MYO5B: variants seen among roughly 807,000 people sequenced by gnomAD.
MYO5B encodes the protein unconventional myosin-Vb.
In MYO5B, 143 loss-of-function variants were observed where a neutral mutation model predicts 229.3. That is an observed-to-expected ratio of 0.62 (90% CI 0.54 to 0.72). The LOEUF is 0.72. Ranked by LOEUF, MYO5B falls within the 30% of genes least tolerant of loss-of-function variation. The pLI, the probability that MYO5B is intolerant of heterozygous loss-of-function variation, is 0.00. For missense variants in MYO5B, 2,321 were observed against 2,331.0 expected, an observed-to-expected ratio of 1.00 and a Z score of 0.09; for synonymous variants, 918 against 885.2, an observed-to-expected ratio of 1.04 and a Z score of -0.66.
intron 29 of MYO5B, among the ~76,000 whole-genome samples, chr18:49,857,370 C>T (rs951257671): frequency 1.3e-5 from 2 of 152,164 alleles, no homozygotes; most frequent in African/African-American, 4.8e-5. Context: ...AGTGAGCAGG[C>T]TCATGGTGGG....
chr18:49,894,413 G>C (rs1787321), intron 22 of MYO5B, among the ~76,000 whole-genome samples: 1 of 151,914 alleles, frequency 6.6e-6, no homozygotes, highest in African/African-American at 2.4e-5. Flanking sequence ...ATGCCCTGAT[G>C]CTCAGGTTTG....
intron 14 of MYO5B, among the ~76,000 whole-genome samples, chr18:49,939,227 G>T (rs1233442504): frequency 2.1e-5 from 3 of 141,460 alleles, no homozygotes; most frequent in Non-Finnish European, 3.0e-5. Context: ...CTCACTGCAA[G>T]CTCTGCCTCC....
Position 49,931,074 on chromosome 18 carries a change from C to G in MYO5B, c.2004-1476G>C, listed in dbSNP as rs2025185315. Reference sequence around the variant, plus strand: ...GGGACGAGGAACAAATGCTCCCTTTCCTTCTGACTGTCCTGCAGCTCAGCT... The same window carrying G: ...GGGACGAGGAACAAATGCTCCCTTTGCTTCTGACTGTCCTGCAGCTCAGCT... On this transcript the variant is annotated intron_variant, in intron 16 of 39. Transcript: ENST00000285039. 2.6e-5 allele frequency among the ~76,000 whole-genome samples: 4 copies of G among 152,168 alleles called. No individual in the cohort carries two copies. In the South Asian group the frequency reaches 8.3e-4, roughly 32 times the overall value.
chr18:49,899,959 T>C (rs547989259), intron 21 of MYO5B, among the ~76,000 whole-genome samples: 1 of 152,228 alleles, frequency 6.6e-6, no homozygotes, highest in East Asian at 1.9e-4. Context: ...TTAAATCTGC[T>C]TTTCTTTGAT....
At chr18:49,969,363 G>C (rs1390533336) in intron 10 of MYO5B, among the ~76,000 whole-genome samples, 1 of 152,144 alleles carries the variant, frequency 6.6e-6, no homozygotes, top group Non-Finnish European at 1.5e-5. Flanking sequence ...ACCAAACAAA[G>C]GTGAACAGTG....
rs766976744 is a variant in MYO5B, at chr18:50,145,708, A to G, written c.27+49059T>C. Among the ~76,000 whole-genome samples the G allele has an allele frequency of 2.6e-5, 4 of 152,152 alleles. No homozygotes were observed. In the East Asian group the frequency reaches 7.7e-4, roughly 29 times the overall value. On this transcript the variant is annotated intron_variant, in intron 1 of 39. Transcript: ENST00000285039. ...AAAAGATTATTCAAACAGCTCTAAC[A>G]AAAGTCAAAAGAGGTTGGAACTGAA...
chr18:49,899,628 A>T (rs1362434124), intron 21 of MYO5B, among the ~76,000 whole-genome samples: 3 of 152,208 alleles, frequency 2.0e-5, no homozygotes, highest in Non-Finnish European at 2.9e-5. Context: ...TAGCTGTGTG[A>T]CCTCAGTCAA....
At chr18:50,012,202 T>C (rs1209026350) in intron 4 of MYO5B, among the ~76,000 whole-genome samples, 1 of 152,226 alleles carries the variant, frequency 6.6e-6, no homozygotes, top group Non-Finnish European at 1.5e-5. Context: ...ACATGAGTTC[T>C]GCTAGGGTTA....
chr18:50,148,867 T>A (rs1017965873), intron 1 of MYO5B, among the ~76,000 whole-genome samples: 1 of 152,204 alleles, frequency 6.6e-6, no homozygotes, highest in African/African-American at 2.4e-5. Context: ...TAAAGGGTAT[T>A]CAATTAGGAA....
chr18:49,828,175 T>G (rs1383803534), intron 39 of MYO5B, among the ~76,000 whole-genome samples: 1 of 152,192 alleles, frequency 6.6e-6, no homozygotes, highest in Non-Finnish European at 1.5e-5. Context: ...CTGTATAAGG[T>G]ATCCTCAAAT....
Position 49,859,221 on chromosome 18 carries a change from G to T in MYO5B, c.3945-2331C>A, listed in dbSNP as rs187110782. On this transcript the variant is annotated intron_variant, in intron 29 of 39. Transcript: ENST00000285039. ...GCCTCTCTTTCTTTACGGGTAAAGT[G>T]AAAGTAGCCTACTGAATTATCGCAA... Among the ~76,000 whole-genome samples, 186 of 152,342 alleles carry T rather than the reference G, an allele frequency of 1.2e-3. 1 individual carries two copies. Among genetic ancestry groups the T allele is most frequent in the Admixed American group, 1.5e-3 (23 of 15,308 alleles).
intron 12 of MYO5B, among the ~76,000 whole-genome samples, chr18:49,956,921 G>A (rs1358735296): frequency 6.6e-6 from 1 of 152,014 alleles, no homozygotes; most frequent in Non-Finnish European, 1.5e-5. Context: ...GCTGGAGGGG[G>A]GCAATGGAGA....
chr18:50,136,133 C>T (rs951923063), intron 1 of MYO5B, among the ~76,000 whole-genome samples: 4 of 152,152 alleles, frequency 2.6e-5, no homozygotes, highest in Non-Finnish European at 5.9e-5. Context: ...CTCACATGGC[C>T]GGCTAATTCA....
intron 1 of MYO5B, among the ~76,000 whole-genome samples, chr18:50,061,717 A>C (rs559405104): frequency 9.9e-5 from 15 of 152,180 alleles, no homozygotes; most frequent in Non-Finnish European, 1.6e-4. Flanking sequence ...ATTTTTAAAA[A>C]ACTTCCCAAG....
chr18:49,920,256 A>G (rs902489820), intron 17 of MYO5B, among the ~76,000 whole-genome samples: 1 of 152,238 alleles, frequency 6.6e-6, no homozygotes, highest in African/African-American at 2.4e-5. Flanking sequence ...TATAATGAAA[A>G]TAACTGAAAT....
rs190584776 is a variant in MYO5B at position 49,925,271 on chromosome 18, C to A, written c.2090+4241G>T. ...GTCCTTTCTATTGATAATATCCCCA[C>A]CAATTGCCAATCAGAAAATCTTTGA... On this transcript the variant is annotated intron_variant, in intron 17 of 39. Coordinates refer to ENST00000285039, the MANE Select transcript of MYO5B (RefSeq NM_001080467.3). Among the ~76,000 whole-genome samples, 112 of 152,366 alleles carry A rather than the reference C, an allele frequency of 7.4e-4. 1 individual carries two copies. The highest frequency in any genetic ancestry group is 5.2e-3 in the Admixed American group (79 of 15,312).
intron 4 of MYO5B, among the ~76,000 whole-genome samples, chr18:50,014,791 A>T (rs2026199680): frequency 6.6e-6 from 1 of 152,240 alleles, no homozygotes; most frequent in African/African-American, 2.4e-5. Flanking sequence ...GGTGGGGTTC[A>T]GCTGTTCCAT....
Position 50,005,347 on chromosome 18 carries a change from T to C in MYO5B, c.456-3936A>G, listed in dbSNP as rs543710935. On this transcript the variant is annotated intron_variant, in intron 4 of 39. Transcript: ENST00000285039. ...GCCAACAAATTCTTGGTAAGCCACG[T>C]ACCCACATTATAGAGAATACCTCCC... Among the ~76,000 whole-genome samples the C allele has an allele frequency of 5.9e-5, 9 of 152,274 alleles. No homozygotes were observed. In the South Asian group the frequency reaches 1.7e-3, roughly 28 times the overall value.
rs772997025 is a variant in MYO5B, at chr18:49,974,542, C to T, written c.1130G>A (p.Cys377Tyr). The change falls in exon 10 of 40, where the codon TGT becomes TAT. Residue 377 changes from cysteine (C) to tyrosine (Y), a missense_variant. Cys to Tyr is a radical substitution (Grantham distance 194, BLOSUM62 -2). Coordinates refer to ENST00000285039, the MANE Select transcript of MYO5B (RefSeq NM_001080467.3). Reference sequence around the variant, plus strand: ...CGAGGTGGTGACCAGCTTGCGATGACACAGCCAGTGCTCCATCTGACTGTG... The same window carrying T: ...CGAGGTGGTGACCAGCTTGCGATGATACAGCCAGTGCTCCATCTGACTGTG... ...VEHSQMEHWL[C>Y]HRKLVTTSET... 3.1e-5 allele frequency: 50 copies of T among 1,614,144 alleles called. No individual in the cohort carries two copies. Among genetic ancestry groups the T allele is most frequent in the Non-Finnish European group, 4.1e-5 (48 of 1,180,020 alleles).
Sources: allele counts gnomAD v4.1 joint callset (sites outside exome capture counted in the v4.1 genomes callset), GRCh38; gene constraint gnomAD v4.1.1; transcripts MANE v1.5; gene names NCBI Gene and HGNC (gene_info 2026-07-23, HGNC 2026-07-21).